Variants in PAXIP1 observed in about 807,000 individuals in gnomAD.
The protein encoded by PAXIP1 is PAX interacting protein 1, also known as PAX-interacting protein 1.
A neutral mutation model predicts 140.6 loss-of-function variants in PAXIP1; 19 were observed. The observed-to-expected ratio is 0.14, with a 90% CI of 0.09 to 0.20. The LOEUF is 0.20. Among genes scored for constraint, PAXIP1 ranks in the 10% least tolerant of loss-of-function variants. PAXIP1 has a pLI of 1.00. For synonymous variants in PAXIP1, 442 were observed against 444.6 expected (o/e 0.99, Z 0.07); for missense variants, 920 against 1,208.6 (o/e 0.76, Z 3.54).
intron 20 of PAXIP1, chr7:154,945,481 G>A (rs1807917583): frequency 2.0e-6 from 2 of 981,496 alleles, no homozygotes; most frequent in South Asian, 9.4e-5. Flanking sequence ...AAAAAAACTC[G>A]GCAAGGATGG....
intron 10 of PAXIP1, among the ~76,000 whole-genome samples, chr7:154,961,960 T>C (rs984979385): frequency 2.0e-5 from 3 of 152,242 alleles, no homozygotes; most frequent in African/African-American, 7.2e-5. Flanking sequence ...CAGCTCCTCC[T>C]TCTCCTCACT....
chr7:154,950,172 C>G (rs1239063213), intron 16 of PAXIP1: 3 of 152,046 alleles, frequency 2.0e-5, no homozygotes, highest in Non-Finnish European at 4.4e-5. Context: ...CCTACCAAAA[C>G]AGGTGGAGAA....
At chr7:154,996,119 A>G (rs1469142208) in intron 2 of PAXIP1, among the ~76,000 whole-genome samples, 1 of 152,202 alleles carries the variant, frequency 6.6e-6, no homozygotes, top group Non-Finnish European at 1.5e-5. Context: ...CTCAGCCTTC[A>G]GTCATATGAA....
At position 155,002,959 on chromosome 7, in the gene PAXIP1, G is replaced by T. The variant is rs377264093; in HGVS notation, c.-30C>A. On this transcript the variant is annotated 5_prime_UTR_variant, in exon 1 of 21. Coordinates refer to ENST00000404141, the MANE Select transcript of PAXIP1 (RefSeq NM_007349.4). ...GCGGCGGCCCGGGAGGCTCCGCGGC[G>T]GCGCCCGGCCCCGCCCACCCCCCGC... The T allele has an allele frequency of 1.1e-3, 1,182 of 1,122,794 alleles. 11 individuals are homozygous for T. The African/African-American group carries it at 0.018, about 17-fold the overall frequency. 69.6% of individuals were successfully genotyped at this position (1,122,794 alleles called of 1,614,324 possible).
rs1809566083 is a variant in PAXIP1, at chr7:154,976,162, T to A, written c.608A>T (p.Asn203Ile). ...EEEEEEEEVENEEQDSQNEGS... is the reference protein window; with the variant it reads ...EEEEEEEEVEIEEQDSQNEGS... ...CTCATTCTGAGAATCTTGTTCCTCA[T>A]TTTCTACTTCCTCCTCCTCTTCCTC... Residue 203 changes from asparagine (N) to isoleucine (I), a missense_variant, in exon 6 of 21, where the codon AAT becomes ATT. Asn to Ile is a moderately radical substitution (Grantham distance 149, BLOSUM62 -3). Around this residue, in one of 5 missense-constraint regions of PAXIP1, gnomAD observed 419 missense variants for 514.7 expected, o/e 0.81. Coordinates refer to ENST00000404141, the MANE Select transcript of PAXIP1 (RefSeq NM_007349.4). The A allele has an allele frequency of 6.3e-7, 1 of 1,591,898 alleles. No homozygotes were observed. Among genetic ancestry groups the A allele is most frequent in the African/African-American group, 1.3e-5 (1 of 74,464 alleles).
chr7:154,947,856 G>C (rs762978549), intron 17 of PAXIP1, 47 bp downstream of exon 17: 1 of 1,312,702 alleles, frequency 7.6e-7, no homozygotes. Context: ...GAGCAGGTCC[G>C]TGTGTTATGC....
rs2150778597 is a variant in PAXIP1, at chr7:154,988,022, C to T, written c.324+2984G>A. On this transcript the variant is annotated intron_variant, in intron 4 of 20. Coordinates refer to ENST00000404141, the MANE Select transcript of PAXIP1 (RefSeq NM_007349.4). The stretch of plus-strand genomic sequence containing the variant: ...TTTTCTGAGGTAAGTATTTGTAATC[C>T]AAAATCAATGAGAAAAAAAGGGTGA... Among the ~76,000 whole-genome samples, 3 of 152,264 alleles carry T rather than the reference C, an allele frequency of 2.0e-5. No individual in the cohort carries two copies. In the South Asian group the frequency reaches 6.2e-4, roughly 32 times the overall value.
intron 6 of PAXIP1, among the ~76,000 whole-genome samples, chr7:154,972,835 C>A (rs568854458): frequency 1.4e-4 from 22 of 152,352 alleles, no homozygotes; most frequent in African/African-American, 5.0e-4. Context: ...TATCATCACT[C>A]TTCTCATGAC....
chr7:155,002,737 C>T, intron 1 of PAXIP1, 112 bp downstream of exon 1: 1 of 522,878 alleles, frequency 1.9e-6, no homozygotes, highest in Non-Finnish European at 2.7e-6. Flanking sequence ...TCGGCGGACC[C>T]GACGCTCTGC....
At chr7:154,971,297 T>C (rs1470553087) in intron 6 of PAXIP1, among the ~76,000 whole-genome samples, 1 of 152,220 alleles carries the variant, frequency 6.6e-6, no homozygotes, top group Non-Finnish European at 1.5e-5. Context: ...ACTTAACAGC[T>C]GTTTCTACTA....
rs1355987976 is a variant in PAXIP1 at position 154,975,934 on chromosome 7, C to T, written c.836G>A (p.Arg279His). ...AGGCTCCTTTCCCTGAGGCAGCCTGCGTTTTGCTGCAGCTAACTGTGGGAC... is the reference window on the plus strand; with the variant it reads ...AGGCTCCTTTCCCTGAGGCAGCCTGTGTTTTGCTGCAGCTAACTGTGGGAC... ...AEVPQLAAAKRRLPQGKEPGL... is the reference protein window; with the variant it reads ...AEVPQLAAAKHRLPQGKEPGL... Residue 279 changes from arginine to histidine, a missense_variant, in exon 6 of 21, where the codon CGC (arginine) becomes CAC (histidine). By Grantham distance (29) the Arg-to-His change is conservative. Transcript: ENST00000404141. The T allele has an allele frequency of 1.2e-6, 2 of 1,613,922 alleles. No homozygotes were observed. The highest frequency in any genetic ancestry group is 2.2e-5 in the East Asian group (1 of 44,884).
chr7:154,960,914 G>A lies in PAXIP1; in HGVS notation c.2413C>T (p.His805Tyr), dbSNP rs1247276765. 2 of 1,585,624 alleles carry A rather than the reference G, an allele frequency of 1.3e-6. No individual in the cohort carries two copies. Among genetic ancestry groups the A allele is most frequent in the Non-Finnish European group, 1.7e-6 (2 of 1,168,310 alleles). ...TTACCTAAAAGATTTAAAACTAAATGCTGGGTAGGGGCAAATGGATCCTGC... is the reference window on the plus strand; with the variant it reads ...TTACCTAAAAGATTTAAAACTAAATACTGGGTAGGGGCAAATGGATCCTGC... ...SLQDPFAPTQ[H>Y]LVLNLLDAWR... Residue 805 changes from histidine (H) to tyrosine (Y), a missense_variant, in exon 12 of 21, where the codon CAT becomes TAT. Coordinates refer to ENST00000404141, the MANE Select transcript of PAXIP1 (RefSeq NM_007349.4).
chr7:154,954,184 A>C lies in PAXIP1; in HGVS notation c.2821+71T>G, dbSNP rs866876415. 2 of 1,044,912 alleles carry C rather than the reference A, an allele frequency of 1.9e-6. No individual in the cohort carries two copies. Among genetic ancestry groups the C allele is most frequent in the Middle Eastern group, 4.5e-4 (2 of 4,434 alleles). 64.7% of individuals were successfully genotyped at this position (1,044,912 alleles called of 1,614,324 possible). A position where few individuals can be genotyped will look rare whatever the true frequency, so the allele number is the denominator to read the frequency against. On this transcript the variant is annotated intron_variant, in intron 16 of 20. Coordinates refer to ENST00000404141, the MANE Select transcript of PAXIP1 (RefSeq NM_007349.4). This position sits in a 1 kb window ranked among gnomAD's most constrained non-coding sequence, Gnocchi z 5.1. ...AAAAATTAAATATTTGTTGGGATGA[A>C]AAGAGATGAATTCAAGAAAAAAAAA...
At chr7:154,975,167 A>C (rs903823190) in intron 6 of PAXIP1, among the ~76,000 whole-genome samples, 71 of 151,762 alleles carry the variant, frequency 4.7e-4, no homozygotes, top group African/African-American at 1.5e-3. Flanking sequence ...AAAAAAAAAA[A>C]AAAAAACAAA....
chr7:154,992,405 G>C (rs1455234722), intron 3 of PAXIP1, among the ~76,000 whole-genome samples: 2 of 152,116 alleles, frequency 1.3e-5, no homozygotes, highest in African/African-American at 4.8e-5. Context: ...AAATTAGCTG[G>C]GCGTGGTGGC....
At chr7:154,983,954 A>G (rs2150774547) in intron 4 of PAXIP1, among the ~76,000 whole-genome samples, 1 of 152,364 alleles carries the variant, frequency 6.6e-6, no homozygotes, top group African/African-American at 2.4e-5. Flanking sequence ...GCAGTCAAAC[A>G]GGCTTTCACT....
chr7:154,993,019 G>A (rs1171626949), intron 3 of PAXIP1, among the ~76,000 whole-genome samples: 1 of 152,294 alleles, frequency 6.6e-6, no homozygotes, highest in East Asian at 1.9e-4. Context: ...TATGGTATCA[G>A]GTACTTGCAA....
chr7:154,968,614 T>C lies in PAXIP1; in HGVS notation c.1587A>G (p.Gln529=), dbSNP rs530103026. Residue 529 remains glutamine (Q), a synonymous_variant, in exon 7 of 21, where the codon CAA becomes CAG. Coordinates refer to ENST00000404141, the MANE Select transcript of PAXIP1 (RefSeq NM_007349.4). ...QQHSLLQQQQ[Q]QQIQQQQLQR... is the part of the protein sequence containing the mutation. ...GGAGCTGCTGCTGCTGAATCTGCTG[T>C]TGCTGCTGCTGCTGGAGCAGGCTGT... The C allele has an allele frequency of 3.1e-5, 22 of 715,910 alleles. No individual in the cohort carries two copies. The East Asian group carries it at 3.5e-4, about 11-fold the overall frequency. The allele number at this position is 715,910 out of a possible 1,614,324, so 44.3% of individuals were successfully genotyped here.
At chr7:154,981,755 C>A (rs1430489519) in intron 5 of PAXIP1, among the ~76,000 whole-genome samples, 5 of 152,070 alleles carry the variant, frequency 3.3e-5, no homozygotes, top group Non-Finnish European at 7.4e-5. Flanking sequence ...ATATATAGAC[C>A]TTATGACTTA....
Sources: allele counts gnomAD v4.1 joint callset (sites outside exome capture counted in the v4.1 genomes callset), GRCh38; gene constraint gnomAD v4.1.1; regional missense constraint gnomAD v4.1.1; non-coding constraint Gnocchi (gnomAD v3.1); transcripts MANE v1.5; gene names NCBI Gene and HGNC (gene_info 2026-07-23, HGNC 2026-07-21).